The following KIAA2012 variants were observed in gnomAD, a reference collection of about 807,000 sequenced individuals.
KIAA2012 encodes uncharacterized protein KIAA2012.
Under a neutral mutation model 150.6 loss-of-function variants are expected in KIAA2012, and 125 were observed. The observed-to-expected ratio is 0.83, with a 90% CI of 0.72 to 0.96. KIAA2012 has a LOEUF of 0.96. KIAA2012 is among the 40% of genes least tolerant of loss of function. KIAA2012 has a pLI of 0.00. For synonymous variants in KIAA2012, 462 were observed against 504.7 expected, an observed-to-expected ratio of 0.92 and a Z score of 1.13; for missense variants, 1,219 against 1,354.9, an observed-to-expected ratio of 0.90 and a Z score of 1.57.
intron 11 of KIAA2012, 119 bp from the exon 12 acceptor site, chr2:202,125,095 C>A (rs1264973190): frequency 2.6e-6 from 2 of 783,728 alleles, no homozygotes; most frequent in South Asian, 1.7e-5. Flanking sequence ...AGAAACAGTT[C>A]ATTGCAAAGC....
chr2:202,174,035 G>A (rs956010013), intron 15 of KIAA2012, among the ~76,000 whole-genome samples: 2 of 151,868 alleles, frequency 1.3e-5, no homozygotes, highest in African/African-American at 4.8e-5. Flanking sequence ...GCACGATCTC[G>A]GCTCACTGCA....
chr2:202,173,966 C>CT (rs1004282007), intron 15 of KIAA2012, among the ~76,000 whole-genome samples: 3 of 151,474 alleles, frequency 2.0e-5, no homozygotes, highest in South Asian at 2.1e-4. Context: ...GAGAAGCATT[C>CT]TTTTTTTTTC....
At chr2:202,181,600 T>A (rs1011540670) in intron 15 of KIAA2012, among the ~76,000 whole-genome samples, 14 of 151,678 alleles carry the variant, frequency 9.2e-5, no homozygotes, top group Admixed American at 6.6e-4. Context: ...AAAAAAAAAA[T>A]TAAGAATATT....
rs914979114 is a variant in KIAA2012 at position 202,154,775 on chromosome 2, C to T, written c.2011C>T (p.Arg671Cys). The T allele has an allele frequency of 1.0e-5, 16 of 1,549,556 alleles. No individual in the cohort carries two copies. Among genetic ancestry groups the T allele is most frequent in the Non-Finnish European group, 1.3e-5 (15 of 1,146,794 alleles). ...TTCAAACAGAAAAGAATTTTACACG[C>T]GCAAGCTGCACATCGACATGACGCC... is the stretch of plus-strand genomic sequence containing the variant. ...ICSNRKEFYT[R>C]KLHIDMTPFL... The change falls in exon 14 of 24, where the codon CGC becomes TGC. Residue 671 changes from arginine to cysteine, a missense_variant. Arg to Cys is a radical substitution (Grantham distance 180). Transcript: ENST00000498697.
chr2:202,092,987 G>T (rs1689764918), intron 3 of KIAA2012, 43 bp from the exon 4 acceptor site: 1 of 1,516,626 alleles, frequency 6.6e-7, no homozygotes, highest in Non-Finnish European at 8.9e-7. Flanking sequence ...ACTTGAAGTT[G>T]GCTACCACTA....
intron 15 of KIAA2012, among the ~76,000 whole-genome samples, chr2:202,171,404 G>A (rs1423833122): frequency 1.3e-5 from 2 of 152,326 alleles, no homozygotes; most frequent in East Asian, 3.9e-4. Context: ...GGCCTGCCGC[G>A]TTTATGGCTT....
chr2:202,102,255 CAAT>C (rs1361792337), intron 7 of KIAA2012, among the ~76,000 whole-genome samples: 1 of 152,052 alleles, frequency 6.6e-6, no homozygotes, highest in Non-Finnish European at 1.5e-5. Flanking sequence ...TTCTGACACA[CAAT>C]GATTCTTTTT....
chr2:202,092,654 G>A (rs1207393463), intron 3 of KIAA2012, among the ~76,000 whole-genome samples: 2 of 152,140 alleles, frequency 1.3e-5, no homozygotes, highest in Non-Finnish European at 2.9e-5. Context: ...ACTGGATTGA[G>A]GAGGCTGCTG....
chr2:202,203,224 TGAAA>T (rs1692564019), intron 23 of KIAA2012, among the ~76,000 whole-genome samples: 2 of 152,204 alleles, frequency 1.3e-5, no homozygotes, highest in East Asian at 1.9e-4. Context: ...TCAATGTATC[TGAAA>T]GAGTTTAGAT....
intron 11 of KIAA2012, chr2:202,114,286 T>C (rs1409209229): frequency 1.4e-4 from 23 of 162,850 alleles, no homozygotes. Flanking sequence ...TGCTGCATTT[T>C]ACATCTTGTG....
Position 202,073,409 on chromosome 2 carries a change from G to C in KIAA2012, c.-219G>C, listed in dbSNP as rs1211465029. 2.1e-6 allele frequency: 1 copy of C among 486,694 alleles called. No individual in the cohort carries two copies. The highest frequency in any genetic ancestry group is 1.9e-5 in the African/African-American group (1 of 52,154). 30.1% of individuals were successfully genotyped at this position (486,694 alleles called of 1,614,324 possible). ...AGGGCTTGAGGAGGCTGGCTGTGCG[G>C]TTTATTTTTTCTCTCCACAAAGACA... is the stretch of plus-strand genomic sequence containing the variant. On this transcript the variant is annotated 5_prime_UTR_variant, in exon 1 of 24. Transcript: ENST00000498697.
chr2:202,154,653 C>T lies in KIAA2012; in HGVS notation c.1909-20C>T. On this transcript the variant is annotated intron_variant, in intron 13 of 23. Transcript: ENST00000498697. ...TATATCATTCATATGAAAGTTCGGG[C>T]TTTCTGCTTCTCTTCACAGGGAGCC... is the stretch of plus-strand genomic sequence containing the variant. 1 of 1,520,378 alleles carries T rather than the reference C, an allele frequency of 6.6e-7. No homozygotes were observed. The highest frequency in any genetic ancestry group is 8.8e-7 in the Non-Finnish European group (1 of 1,138,886). The allele number at this position is 1,520,378 out of a possible 1,614,324, so 94.2% of individuals were successfully genotyped here.
Position 202,099,763 on chromosome 2 carries a change from GGCGCCTTCCCTAATA to G in KIAA2012, c.981_995del (p.Ala328_Arg332del), listed in dbSNP as rs767410672. 7 of 1,550,226 alleles carry G rather than the reference GGCGCCTTCCCTAATA, an allele frequency of 4.5e-6. No homozygotes were observed. In the South Asian group the frequency reaches 8.3e-5, roughly 18 times the overall value. On this transcript the variant is annotated inframe_deletion, in exon 6 of 24. Transcript: ENST00000498697. ...CAAATCCCACATTACATTCTGTGGA[GGCGCCTTCCCTAATA>G]GGAAGGCAGATCTCAGCGGTAAGAA...
chr2:202,125,125 C>T, intron 11 of KIAA2012, 89 bp from the exon 12 acceptor site: 1 of 1,064,386 alleles, frequency 9.4e-7, no homozygotes, highest in Non-Finnish European at 1.4e-6. Flanking sequence ...GAGGCAATCA[C>T]TTCATGTTTT....
intron 8 of KIAA2012, among the ~76,000 whole-genome samples, chr2:202,103,738 T>C (rs1690110875): frequency 6.6e-6 from 1 of 152,228 alleles, no homozygotes; most frequent in Non-Finnish European, 1.5e-5. Flanking sequence ...ATTATGTGCT[T>C]CTAAGCAAAG....
At chr2:202,161,376 C>T (rs892296332) in intron 14 of KIAA2012, among the ~76,000 whole-genome samples, 1 of 152,186 alleles carries the variant, frequency 6.6e-6, no homozygotes, top group African/African-American at 2.4e-5. Context: ...AAATTCTTTA[C>T]TGTGTCCCCA....
intron 2 of KIAA2012, among the ~76,000 whole-genome samples, chr2:202,078,409 C>A (rs557786947): frequency 6.6e-6 from 1 of 152,314 alleles, no homozygotes; most frequent in African/African-American, 2.4e-5. Flanking sequence ...CCATCTCAGC[C>A]TCCCCAGTAG....
chr2:202,125,461 T>C (rs1412671621), intron 12 of KIAA2012, among the ~76,000 whole-genome samples, 179 bp downstream of exon 12: 1 of 152,192 alleles, frequency 6.6e-6, no homozygotes, highest in Admixed American at 6.5e-5. Flanking sequence ...GAGTTACTCA[T>C]GGACAGCCCC....
intron 15 of KIAA2012, among the ~76,000 whole-genome samples, chr2:202,172,698 T>C (rs1691919226): frequency 6.6e-6 from 1 of 152,226 alleles, no homozygotes; most frequent in Non-Finnish European, 1.5e-5. Flanking sequence ...TTGCCTGACC[T>C]GTGCAAAGAA....
Sources: allele counts gnomAD v4.1 joint callset (sites outside exome capture counted in the v4.1 genomes callset), GRCh38; gene constraint gnomAD v4.1.1; transcripts MANE v1.5; gene names NCBI Gene and HGNC (gene_info 2026-07-23, HGNC 2026-07-21).